The following ADAMTS18 variants were observed in gnomAD, a reference collection of about 807,000 sequenced individuals.
ADAMTS18 encodes the protein A disintegrin and metalloproteinase with thrombospondin motifs 18.
Under a neutral mutation model 165.9 loss-of-function variants are expected in ADAMTS18, and 157 were observed. That is an observed-to-expected ratio of 0.95 (90% CI 0.83 to 1.08). The LOEUF (loss-of-function observed/expected upper bound fraction) is 1.08. Among genes scored for constraint, ADAMTS18 ranks in the 50% least tolerant of loss-of-function variants. ADAMTS18 has a pLI of 0.00. For synonymous variants in ADAMTS18, 782 were observed against 578.2 expected (o/e 1.35, Z -5.06); for missense variants, 2,040 against 1,534.0 (o/e 1.33, Z -5.51).
At position 77,326,006 on chromosome 16, in the gene ADAMTS18, G is replaced by C. The variant is rs749703591; in HGVS notation, c.1892C>G (p.Ser631Cys). Residue 631 changes from serine to cysteine, a missense_variant, in exon 13 of 23, where the codon TCT (serine) becomes TGT (cysteine). Physicochemically the swap from Ser to Cys is moderately radical, Grantham distance 112 (BLOSUM62 -1). Coordinates refer to ENST00000282849, the MANE Select transcript of ADAMTS18 (RefSeq NM_199355.4). Reference sequence around the variant, plus strand: ...ATTGCACAGCTGATAAATACGGCTAGAACCTGGACAGAATAAGCCACCATA... The same window carrying C: ...ATTGCACAGCTGATAAATACGGCTACAACCTGGACAGAATAAGCCACCATA... ...PQYGGLFCPG[S>C]SRIYQLCNIN... The C allele has an allele frequency of 2.5e-6, 4 of 1,613,570 alleles. No homozygotes were observed. Among genetic ancestry groups the C allele is most frequent in the South Asian group, 1.1e-5 (1 of 91,078 alleles).
chr16:77,362,970 A>G (rs554788899), intron 6 of ADAMTS18, among the ~76,000 whole-genome samples: 9 of 152,306 alleles, frequency 5.9e-5, no homozygotes, highest in South Asian at 4.1e-4. Flanking sequence ...TCCAAAAACC[A>G]TTTGACAAGC....
rs77738456 is a variant in ADAMTS18, at chr16:77,331,445, A to T, written c.1859+4311T>A. On this transcript the variant is annotated intron_variant, in intron 12 of 22. Transcript: ENST00000282849. ...CAAAGTATCAGGAGGTTAAATAACT[A>T]CCCTCCTGCTTAAACCAGGAGATAC... Among the ~76,000 whole-genome samples, 16 of 152,214 alleles carry T rather than the reference A, an allele frequency of 1.1e-4. No individual in the cohort carries two copies. In the East Asian group the frequency reaches 3.1e-3, roughly 29 times the overall value.
chr16:77,378,638 C>G (rs2144765962), intron 3 of ADAMTS18, among the ~76,000 whole-genome samples: 1 of 152,062 alleles, frequency 6.6e-6, no homozygotes, highest in African/African-American at 2.4e-5. Context: ...TCACTTGAAC[C>G]CAGGTGACGG....
intron 16 of ADAMTS18, among the ~76,000 whole-genome samples, chr16:77,309,618 C>A (rs1247820761): frequency 1.3e-5 from 2 of 152,168 alleles, no homozygotes; most frequent in African/African-American, 4.8e-5. Context: ...AGGAAGACAT[C>A]CTATAAAGTT....
intron 3 of ADAMTS18, among the ~76,000 whole-genome samples, chr16:77,409,136 G>A (rs2057429534): frequency 6.6e-6 from 1 of 152,028 alleles, no homozygotes; most frequent in Non-Finnish European, 1.5e-5. Context: ...CGGAGGTACT[G>A]GAACGTATCC....
intron 3 of ADAMTS18, among the ~76,000 whole-genome samples, chr16:77,371,711 G>A (rs578218889): frequency 6.6e-6 from 1 of 152,240 alleles, no homozygotes; most frequent in Admixed American, 6.5e-5. Flanking sequence ...ATAGGTCTGG[G>A]CAAGGATTTT....
chr16:77,364,218 G>C lies in ADAMTS18; in HGVS notation c.942C>G (p.Val314=), dbSNP rs1288036221. ...KMVEKHGKGN[V]TTYILTVMNM... ...TCATTACTGTGAGAATGTATGTGGT[G>C]ACATTTCCCTTGCCATGCTTTTCCA... The change falls in exon 5 of 23, where the codon GTC becomes GTG. Residue 314 remains valine (V), a synonymous_variant. Transcript: ENST00000282849. 2 of 1,613,990 alleles carry C rather than the reference G, an allele frequency of 1.2e-6. No homozygotes were observed. Among genetic ancestry groups the C allele is most frequent in the African/African-American group, 1.3e-5 (1 of 74,982 alleles).
chr16:77,393,142 TGGA>T (rs1182760955), intron 3 of ADAMTS18, among the ~76,000 whole-genome samples: 1 of 152,206 alleles, frequency 6.6e-6, no homozygotes, highest in Non-Finnish European at 1.5e-5. Context: ...CTGGTCACCA[TGGA>T]GGTGAAAACA....
intron 3 of ADAMTS18, among the ~76,000 whole-genome samples, chr16:77,418,607 G>T (rs572369158): frequency 9.2e-5 from 14 of 152,220 alleles, no homozygotes; most frequent in African/African-American, 3.4e-4. Flanking sequence ...ACCAATGCCC[G>T]ACTGAGAAAC....
In ADAMTS18 at chr16:77,321,062, A is replaced by G. The variant is rs2055988338; in HGVS notation, c.2287+17T>C. 6.2e-7 allele frequency: 1 copy of G among 1,614,042 alleles called. No individual in the cohort carries two copies. Among genetic ancestry groups the G allele is most frequent in the South Asian group, 1.1e-5 (1 of 91,086 alleles). On this transcript the variant is annotated intron_variant, in intron 15 of 22. Transcript: ENST00000282849. ...AGTTGTATCTCATTAACAATAACAA[A>G]CAGCAGCATCTCTCACCATTTGCTT...
intron 3 of ADAMTS18, among the ~76,000 whole-genome samples, chr16:77,389,333 A>G (rs551220902): frequency 6.6e-6 from 1 of 152,250 alleles, no homozygotes; most frequent in Non-Finnish European, 1.5e-5. Context: ...CAATCTTTAC[A>G]TGATCTAATT....
intron 10 of ADAMTS18, among the ~76,000 whole-genome samples, chr16:77,347,570 C>G (rs1015636899): frequency 6.6e-6 from 1 of 151,646 alleles, no homozygotes; most frequent in African/African-American, 2.4e-5. Context: ...TATTGAGTAC[C>G]ATTTCATGCA....
intron 10 of ADAMTS18, among the ~76,000 whole-genome samples, chr16:77,345,613 T>C (rs1398923547): frequency 1.3e-5 from 2 of 152,192 alleles, no homozygotes; most frequent in African/African-American, 2.4e-5. Flanking sequence ...AGCTGTATTA[T>C]CCAATATGAT....
At chr16:77,286,662 G>T (rs766721454) in intron 22 of ADAMTS18, among the ~76,000 whole-genome samples, 1 of 152,026 alleles carries the variant, frequency 6.6e-6, no homozygotes, top group Admixed American at 6.6e-5. Context: ...TCCTTCCACT[G>T]TACAATGCTG....
intron 3 of ADAMTS18, among the ~76,000 whole-genome samples, chr16:77,425,144 G>C (rs984501074): frequency 6.6e-6 from 1 of 152,204 alleles, no homozygotes; most frequent in Non-Finnish European, 1.5e-5. Context: ...GCTCTCTGGA[G>C]AATGGGTCAC....
intron 3 of ADAMTS18, among the ~76,000 whole-genome samples, chr16:77,385,578 C>G (rs1175566508): frequency 6.6e-6 from 1 of 152,186 alleles, no homozygotes; most frequent in Non-Finnish European, 1.5e-5. Context: ...AGCTCTCCAC[C>G]CAACCCTGCC....
chr16:77,284,635 ATT>A (rs2055213350), intron 22 of ADAMTS18, among the ~76,000 whole-genome samples: 1 of 152,022 alleles, frequency 6.6e-6, no homozygotes, highest in African/African-American at 2.4e-5. Context: ...AAATTAAATG[ATT>A]TGTTTTTAAA....
intron 2 of ADAMTS18, among the ~76,000 whole-genome samples, chr16:77,433,042 T>C (rs569805572): frequency 4.4e-4 from 67 of 152,322 alleles, no homozygotes; most frequent in Middle Eastern, 3.4e-3. Context: ...GGAAAAGTTT[T>C]TCCCCTCTCT....
In ADAMTS18 at chr16:77,389,068, G is replaced by A. The variant is rs577174123; in HGVS notation, c.496-21345C>T. ...TAGTCCCAGTACTTTGGGAGGCCAAGGTTGGTGGATAGTTTCAGCTCAGGA... is the reference window on the plus strand; with the variant it reads ...TAGTCCCAGTACTTTGGGAGGCCAAAGTTGGTGGATAGTTTCAGCTCAGGA... On this transcript the variant is annotated intron_variant, in intron 3 of 22. Transcript: ENST00000282849. Among the ~76,000 whole-genome samples the A allele has an allele frequency of 2.0e-5, 3 of 152,202 alleles. No individual in the cohort carries two copies. The South Asian group carries it at 6.2e-4, about 32-fold the overall frequency.
Sources: allele counts gnomAD v4.1 joint callset (sites outside exome capture counted in the v4.1 genomes callset), GRCh38; gene constraint gnomAD v4.1.1; transcripts MANE v1.5; gene names NCBI Gene and HGNC (gene_info 2026-07-23, HGNC 2026-07-21).